Variants in DPP10 observed in about 807,000 individuals in gnomAD.
DPP10 encodes dipeptidyl peptidase like 10, also known as inactive dipeptidyl peptidase 10.
Under a neutral mutation model 120.9 loss-of-function variants are expected in DPP10, and 33 were observed. The observed-to-expected ratio is 0.27, with a 90% CI of 0.21 to 0.37. DPP10 has a LOEUF of 0.37. Among genes scored for constraint, DPP10 ranks in the 10% least tolerant of loss-of-function variants. The probability of loss-of-function intolerance (pLI) is 1.00; values close to 1 mark genes in which losing one functional copy is unlikely to be tolerated. For synonymous variants in DPP10, 337 were observed against 326.1 expected, an observed-to-expected ratio of 1.03 and a Z score of -0.36; for missense variants, 816 against 942.8, an observed-to-expected ratio of 0.87 and a Z score of 1.76.
At chr2:114,604,302 C>T (rs927644388) in intron 1 of DPP10, among the ~76,000 whole-genome samples, 2 of 152,086 alleles carry the variant, frequency 1.3e-5, no homozygotes, top group African/African-American at 4.8e-5. Flanking sequence ...CAAGGACCAA[C>T]TTTGCAAGCA....
At chr2:115,053,662 T>G (rs780633846) in intron 1 of DPP10, among the ~76,000 whole-genome samples, 66 of 152,332 alleles carry the variant, frequency 4.3e-4, no homozygotes, top group Non-Finnish European at 7.6e-4. Flanking sequence ...CAATACAAGT[T>G]TTCAATATAC....
At chr2:115,646,806 C>G (rs2087304835) in intron 5 of DPP10, among the ~76,000 whole-genome samples, 1 of 152,134 alleles carries the variant, frequency 6.6e-6, no homozygotes, top group Admixed American at 6.5e-5. Flanking sequence ...AATTGTACCA[C>G]TATTAAGTTC....
At chr2:114,449,654 G>GT (rs1212826289) in intron 1 of DPP10, among the ~76,000 whole-genome samples, 1 of 151,968 alleles carries the variant, frequency 6.6e-6, no homozygotes, top group Non-Finnish European at 1.5e-5. Flanking sequence ...AATTAACCCT[G>GT]TTAAGGATTT....
At chr2:114,689,869 TGTA>T (rs1441067595) in intron 1 of DPP10, among the ~76,000 whole-genome samples, 4 of 152,044 alleles carry the variant, frequency 2.6e-5, no homozygotes, top group African/African-American at 9.7e-5. Context: ...GTTGGCCGCG[TGTA>T]TGTCTTCTTT....
At chr2:115,715,615 C>T (rs887260363) in intron 7 of DPP10, among the ~76,000 whole-genome samples, 62 of 152,294 alleles carry the variant, frequency 4.1e-4, no homozygotes, top group African/African-American at 1.3e-3. Context: ...GGGGCTGTGA[C>T]TTAGTCGCTA....
At chr2:114,890,380 G>A (rs1046681144) in intron 1 of DPP10, among the ~76,000 whole-genome samples, 2 of 152,056 alleles carry the variant, frequency 1.3e-5, no homozygotes, top group Admixed American at 1.3e-4. Flanking sequence ...AAGAAATAAG[G>A]CATAAAACTA....
At chr2:114,583,403 A>T (rs1189551370) in intron 1 of DPP10, among the ~76,000 whole-genome samples, 1 of 152,222 alleles carries the variant, frequency 6.6e-6, no homozygotes, top group Non-Finnish European at 1.5e-5. Flanking sequence ...TTTAAATAAA[A>T]CTTTTTGTAA....
intron 1 of DPP10, among the ~76,000 whole-genome samples, chr2:115,153,027 T>C (rs975088511): frequency 3.3e-5 from 5 of 152,094 alleles, no homozygotes; most frequent in South Asian, 2.1e-4. Flanking sequence ...ACCCACACAG[T>C]AGATTGCAGT....
intron 2 of DPP10, among the ~76,000 whole-genome samples, chr2:115,329,219 G>T (rs2062555322): frequency 6.6e-6 from 1 of 151,912 alleles, no homozygotes; most frequent in Non-Finnish European, 1.5e-5. Flanking sequence ...GGCACAGTTT[G>T]GTCTTAATTT....
chr2:114,513,170 C>T (rs561768801), intron 1 of DPP10, among the ~76,000 whole-genome samples: 1 of 152,256 alleles, frequency 6.6e-6, no homozygotes, highest in East Asian at 1.9e-4. Context: ...TTAATTCTGT[C>T]TTCATTCTCA....
chr2:115,186,498 G>A (rs943807795), intron 1 of DPP10, among the ~76,000 whole-genome samples: 2 of 152,082 alleles, frequency 1.3e-5, no homozygotes, highest in South Asian at 2.1e-4. Context: ...GCTTATCCTT[G>A]GTGGTAGTAG....
At chr2:115,653,317 T>A (rs1373497075) in intron 5 of DPP10, among the ~76,000 whole-genome samples, 1 of 151,974 alleles carries the variant, frequency 6.6e-6, no homozygotes, top group Non-Finnish European at 1.5e-5. Context: ...AAAAAATTAT[T>A]CTTAGAGTAA....
intron 3 of DPP10, among the ~76,000 whole-genome samples, chr2:115,387,225 G>C (rs746111339): frequency 2.6e-5 from 4 of 152,168 alleles, no homozygotes; most frequent in Non-Finnish European, 5.9e-5. Context: ...GCAATAGAAG[G>C]CTCCAATGGA....
intron 1 of DPP10, among the ~76,000 whole-genome samples, chr2:115,123,594 C>A (rs2049930959): frequency 6.6e-6 from 1 of 152,140 alleles, no homozygotes. Flanking sequence ...GAGAGCTTAT[C>A]AGGAAGCGGC....
intron 5 of DPP10, among the ~76,000 whole-genome samples, chr2:115,627,208 C>G (rs7576490): frequency 0.15 from 22,449 of 152,108 alleles, 2,673 homozygotes; most frequent in African/African-American, 0.33. Flanking sequence ...ATTTTATTAG[C>G]CCTTCTTCAC....
At chr2:114,628,418 G>A (rs1052244987) in intron 1 of DPP10, among the ~76,000 whole-genome samples, 1 of 152,118 alleles carries the variant, frequency 6.6e-6, no homozygotes, top group Non-Finnish European at 1.5e-5. Flanking sequence ...TCACCTTGGA[G>A]CATGAAACAT....
chr2:115,665,327 T>C (rs1266148796), intron 5 of DPP10, among the ~76,000 whole-genome samples: 4 of 152,176 alleles, frequency 2.6e-5, no homozygotes, highest in Admixed American at 1.3e-4. Context: ...TTGCATCCAA[T>C]CTGAGATACC....
intron 1 of DPP10, chr2:115,162,140 C>G (rs1553503677): frequency 9.8e-6 from 15 of 1,533,390 alleles, no homozygotes; most frequent in Non-Finnish European, 1.3e-5. Flanking sequence ...TTCTCACCCT[C>G]CCCCGCCCCG....
intron 1 of DPP10, among the ~76,000 whole-genome samples, chr2:114,785,646 AAGATTTACTGT>A (rs1682702971): frequency 6.6e-6 from 1 of 152,172 alleles, no homozygotes; most frequent in Non-Finnish European, 1.5e-5. Context: ...AGTTTCACTG[AAGATTTACTGT>A]AGAGGCAATG....
Sources: gnomAD v4.1 joint callset for allele counts (sites outside exome capture counted in the v4.1 genomes callset) on GRCh38, gnomAD v4.1.1 for gene constraint, MANE v1.5 for transcripts, NCBI Gene and HGNC (gene_info 2026-07-23, HGNC 2026-07-21) for gene names.